MTCL1: variants seen among roughly 807,000 people sequenced by gnomAD.
The protein encoded by MTCL1 is microtubule cross-linking factor 1.
MTCL1 carries 79 observed loss-of-function variants against 141.4 expected under a neutral mutation model. That is an observed-to-expected ratio of 0.56 (90% confidence interval 0.47 to 0.67). MTCL1 has a LOEUF of 0.67. Among genes scored for constraint, MTCL1 ranks in the 30% least tolerant of loss-of-function variants. MTCL1 has a pLI of 0.00. For synonymous variants in MTCL1, 914 were observed against 875.8 expected, an observed-to-expected ratio of 1.04 and a Z score of -0.77; for missense variants, 2,177 against 2,113.9, an observed-to-expected ratio of 1.03 and a Z score of -0.59.
chr18:8,809,861 T>C (rs2076423864), intron 11 of MTCL1: 3 of 419,896 alleles, frequency 7.1e-6, no homozygotes, highest in Non-Finnish European at 8.7e-6. Context: ...TGAAGATGTA[T>C]ATACCTGGGT....
upstream of MTCL1, chr18:8,705,611 G>GCCA (rs74277308): frequency 8.3e-7 from 1 of 1,208,366 alleles, no homozygotes; most frequent in Non-Finnish European, 1.0e-6. This position sits in a 1 kb window ranked among gnomAD's most constrained non-coding sequence, Gnocchi z 5.2. Context: ...CGCCGCCGCC[G>GCCA]TCGTCGTCCG....
intron 4 of MTCL1, among the ~76,000 whole-genome samples, chr18:8,777,528 T>TA (rs1220806343): frequency 6.6e-6 from 1 of 152,204 alleles, no homozygotes; most frequent in African/African-American, 2.4e-5. Flanking sequence ...TCTGCACTGT[T>TA]AAAGTTATCC....
intron 4 of MTCL1, among the ~76,000 whole-genome samples, chr18:8,729,805 G>A (rs1339953373): frequency 6.6e-6 from 1 of 150,694 alleles, no homozygotes; most frequent in Non-Finnish European, 1.5e-5. Flanking sequence ...CAGGGCAAAA[G>A]TTTTTAGTTT....
intron 4 of MTCL1, among the ~76,000 whole-genome samples, chr18:8,759,737 G>T (rs925105351): frequency 1.3e-5 from 2 of 152,210 alleles, no homozygotes; most frequent in Non-Finnish European, 2.9e-5. Flanking sequence ...AAATGTCAAC[G>T]TGTTATTATA....
intron 4 of MTCL1, among the ~76,000 whole-genome samples, chr18:8,763,913 T>C (rs896241272): frequency 3.3e-5 from 5 of 152,224 alleles, no homozygotes; most frequent in African/African-American, 9.6e-5. Flanking sequence ...GAGCGAATTT[T>C]GTTGTTGAAA....
At chr18:8,715,010 A>G (rs1452325202), upstream of MTCL1, among the ~76,000 whole-genome samples, 6 of 152,058 alleles carry the variant, frequency 3.9e-5, no homozygotes, top group African/African-American at 7.2e-5. Flanking sequence ...GTTAGCCAGG[A>G]TGGTCTTGAT....
rs1007039868 is a variant in MTCL1, at chr18:8,822,203, C to T, written c.3188+705C>T. 1.3e-5 allele frequency among the ~76,000 whole-genome samples: 2 copies of T among 152,216 alleles called. No homozygotes were observed. Among genetic ancestry groups the T allele is most frequent in the Admixed American group, 6.5e-5 (1 of 15,286 alleles). ...GCCTGTGGCACACTTCTGTCCTTCA[C>T]GCTGTCTTCTCTGGTCTTTCTTGGG... On this transcript the variant is annotated intron_variant, in intron 14 of 16. Coordinates refer to ENST00000359865, the Ensembl canonical transcript of MTCL1. The surrounding 1 kb of genome is among the most constrained non-coding windows in gnomAD (Gnocchi z 4.6).
chr18:8,821,558 G>T (rs629142), intron 14 of MTCL1, 60 bp downstream of exon 13: 518,005 of 1,025,600 alleles, frequency 0.51, 134,656 homozygotes, highest in Middle Eastern at 0.59. Flanking sequence ...GTCTTAAAAT[G>T]TTGTTTTGTC....
At chr18:8,764,916 A>G (rs2096452486) in intron 4 of MTCL1, among the ~76,000 whole-genome samples, 1 of 152,226 alleles carries the variant, frequency 6.6e-6, no homozygotes. Context: ...TAACTCTGAG[A>G]GGCACTGACA....
chr18:8,828,862 T>C lies in MTCL1; in HGVS notation c.4723-46T>C. 1 of 1,613,730 alleles carries C rather than the reference T, an allele frequency of 6.2e-7. No homozygotes were observed. The highest frequency in any genetic ancestry group is 8.5e-7 in the Non-Finnish European group (1 of 1,180,004). On this transcript the variant is annotated intron_variant, in intron 15 of 16. Transcript: ENST00000359865. This position sits in a 1 kb window ranked among gnomAD's most constrained non-coding sequence, Gnocchi z 5.2. ...TTGTTCTCCTGTTTAAAAAACACTT[T>C]CCAACCTTCTTGCTTTTCTTTTCTT...
At chr18:8,819,123 C>T (rs780203336) in exon 13 of MTCL1, 17 of 1,614,232 alleles carry the variant, frequency 1.1e-5, no homozygotes, top group Middle Eastern at 1.6e-4. Context: ...GAAGACCGGC[C>T]GCTGTCCAAG....
intron 4 of MTCL1, among the ~76,000 whole-genome samples, chr18:8,757,343 T>C (rs902148123): frequency 3.3e-5 from 5 of 152,180 alleles, no homozygotes; most frequent in African/African-American, 1.2e-4. Flanking sequence ...AAACCTCTTT[T>C]CCTGAGGTTG....
intron 12 of MTCL1, among the ~76,000 whole-genome samples, chr18:8,816,098 T>C (rs1332442357): frequency 6.6e-6 from 1 of 152,234 alleles, no homozygotes; most frequent in Non-Finnish European, 1.5e-5. Flanking sequence ...CCAGACTTCC[T>C]GAAAAGAGGA....
rs1393899365 is a variant in MTCL1 at position 8,793,008 on chromosome 18, C to T, written c.1898C>T (p.Pro633Leu). 12 of 1,614,000 alleles carry T rather than the reference C, an allele frequency of 7.4e-6. No individual in the cohort carries two copies. The highest frequency in any genetic ancestry group is 2.2e-5 in the East Asian group (1 of 44,878). ...TATCCCACCGATCAGCTCAGGGGCCCCCCCGTTTTACCTGAGCAGAGTGTA... is the reference window on the plus strand; with the variant it reads ...TATCCCACCGATCAGCTCAGGGGCCTCCCCGTTTTACCTGAGCAGAGTGTA... Residue 633 changes from proline (P) to leucine (L), a missense_variant, in exon 8 of 17, where the codon CCC becomes CTC. Transcript: ENST00000359865.
chr18:8,780,388 C>A (rs2096528674), intron 5 of MTCL1, among the ~76,000 whole-genome samples: 1 of 152,246 alleles, frequency 6.6e-6, no homozygotes, highest in Non-Finnish European at 1.5e-5. Context: ...GGATGCTGGT[C>A]ACAGCAGGCG....
intron 8 of MTCL1, among the ~76,000 whole-genome samples, chr18:8,793,622 T>C (rs763034410): frequency 2.6e-5 from 4 of 152,154 alleles, no homozygotes; most frequent in Admixed American, 1.3e-4. Flanking sequence ...TCCCCAGAGT[T>C]CCGAGTAGAA....
chr18:8,783,516 T>C lies in MTCL1; in HGVS notation c.418-14T>C, dbSNP rs377245053. ...TTCAAATAACCCTTCTCCCGGGCTG[T>C]TCTCTCCTGGCAGGATGACAGTGCC... On this transcript the variant is annotated splice_polypyrimidine_tract_variant and intron_variant, in intron 5 of 16. Transcript: ENST00000359865. 1.9e-5 allele frequency: 30 copies of C among 1,581,322 alleles called. No homozygotes were observed. Among genetic ancestry groups the C allele is most frequent in the Non-Finnish European group, 2.6e-5 (30 of 1,158,118 alleles).
intron 4 of MTCL1, among the ~76,000 whole-genome samples, chr18:8,742,019 T>G (rs541715485): frequency 6.7e-6 from 1 of 149,650 alleles, no homozygotes; most frequent in Admixed American, 6.8e-5. Flanking sequence ...CCTGGTGTCC[T>G]CAGGAGCTCT....
At chr18:8,774,889 C>G (rs2096499603) in intron 4 of MTCL1, among the ~76,000 whole-genome samples, 1 of 152,104 alleles carries the variant, frequency 6.6e-6, no homozygotes, top group Non-Finnish European at 1.5e-5. Context: ...TGACTCCCTG[C>G]CTGTTCTGTG....
Sources: allele counts gnomAD v4.1 joint callset (sites outside exome capture counted in the v4.1 genomes callset), GRCh38; gene constraint gnomAD v4.1.1; non-coding constraint Gnocchi (gnomAD v3.1); transcripts MANE v1.5; gene names NCBI Gene and HGNC (gene_info 2026-07-23, HGNC 2026-07-21).